Variants in CFAP206 observed in about 807,000 individuals in gnomAD.
CFAP206 encodes the protein cilia and flagella associated protein 206.
In CFAP206, 53 loss-of-function variants were observed where a neutral mutation model predicts 65.4. That is an observed-to-expected ratio of 0.81 (90% confidence interval 0.65 to 1.02). The LOEUF (loss-of-function observed/expected upper bound fraction) is 1.02. Ranked by LOEUF, CFAP206 falls within the 50% of genes least tolerant of loss-of-function variation. The probability of loss-of-function intolerance (pLI) is 0.00; values close to 1 mark genes in which losing one functional copy is unlikely to be tolerated. For missense variants in CFAP206, 663 were observed against 753.2 expected (o/e 0.88, Z 1.40); for synonymous variants, 250 against 254.4 (o/e 0.98, Z 0.17).
chr6:87,459,008 T>C (rs1485919685), intron 11 of CFAP206, among the ~76,000 whole-genome samples: 2 of 152,230 alleles, frequency 1.3e-5, no homozygotes, highest in Admixed American at 6.5e-5. Context: ...GTTCTCAAAT[T>C]TGTTCAAATT....
chr6:87,429,900 G>A (rs13196020), intron 9 of CFAP206, among the ~76,000 whole-genome samples: 5,748 of 152,038 alleles, frequency 0.038, 136 homozygotes, highest in Middle Eastern at 0.078. Flanking sequence ...GTTTTTTATT[G>A]CTCATTTCAT....
At chr6:87,436,703 C>T (rs891567439) in intron 11 of CFAP206, 1 of 152,264 alleles carries the variant, frequency 6.6e-6, no homozygotes. Context: ...TGTAGCACTC[C>T]AGCTCCCCTT....
At chr6:87,460,871 G>A in intron 11 of CFAP206, 151 bp from the exon 12 acceptor site, 1 of 592,572 alleles carries the variant, frequency 1.7e-6, no homozygotes. Context: ...TTAATTATGT[G>A]TTTATTTTCT....
At chr6:87,422,203 C>G (rs187688234) in intron 7 of CFAP206, among the ~76,000 whole-genome samples, 2 of 152,122 alleles carry the variant, frequency 1.3e-5, no homozygotes, top group African/African-American at 4.8e-5. Context: ...AATCCCAGCA[C>G]TTTGGGAGGC....
chr6:87,448,529 T>G (rs1768486448), intron 11 of CFAP206, among the ~76,000 whole-genome samples: 1 of 152,180 alleles, frequency 6.6e-6, no homozygotes. Flanking sequence ...TCCTCTCCTC[T>G]GGCTATTTTG....
At chr6:87,420,615 A>T (rs186072773) in intron 7 of CFAP206, among the ~76,000 whole-genome samples, 1 of 152,344 alleles carries the variant, frequency 6.6e-6, no homozygotes, top group East Asian at 1.9e-4. Context: ...CATGTAAATA[A>T]GGCGGCATAG....
chr6:87,412,893 C>T (rs138297700), intron 3 of CFAP206, among the ~76,000 whole-genome samples: 1,728 of 152,222 alleles, frequency 0.011, 21 homozygotes, highest in Non-Finnish European at 0.017. Context: ...CTCCTGACAT[C>T]GGGTGATCTG....
chr6:87,444,958 A>T lies in CFAP206; in HGVS notation c.1494+9905A>T, dbSNP rs1768419053. 23 of 528,228 alleles carry T rather than the reference A, an allele frequency of 4.4e-5. 2 individuals are homozygous for T. Among genetic ancestry groups the T allele is most frequent in the South Asian group, 3.2e-4 (23 of 72,322 alleles). The allele number at this position is 528,228 out of a possible 1,614,324, so 32.7% of individuals were successfully genotyped here. ...CAGGATTTATTTCAATGGCTCTGTT[A>T]CAATATCAGATGGCAGCATTTGGCT... On this transcript the variant is annotated intron_variant, in intron 11 of 12. Transcript: ENST00000369562.
chr6:87,415,210 G>A lies in CFAP206; in HGVS notation c.284-476G>A, dbSNP rs372080608. On this transcript the variant is annotated intron_variant, in intron 4 of 12. Coordinates refer to ENST00000369562, the MANE Select transcript of CFAP206 (RefSeq NM_001031743.3). ...ATCTAGAACTGAAATAAAAATACAC[G>A]TAACCGAAAGGAACATATATACTAC... Among the ~76,000 whole-genome samples the A allele has an allele frequency of 3.3e-5, 5 of 151,814 alleles. No individual in the cohort carries two copies. In the East Asian group the frequency reaches 9.7e-4, roughly 29 times the overall value.
chr6:87,416,709 A>G lies in CFAP206; in HGVS notation c.513A>G (p.Thr171=), dbSNP rs775464503. The part of the protein sequence containing the change: ...QSVFPQAELG[T]FLTLSKKDKE... ...TTTTTCCTCAGGCAGAGCTTGGGAC[A>G]TTTCTAACTCTTTCTAAGAAGGACA... Residue 171 remains threonine, a synonymous_variant, in exon 6 of 13, where the codon ACA becomes ACG. Transcript: ENST00000369562. 24 of 1,612,488 alleles carry G rather than the reference A, an allele frequency of 1.5e-5. No individual in the cohort carries two copies. In the South Asian group the frequency reaches 2.4e-4, roughly 16 times the overall value.
rs149201829 is a variant in CFAP206 at position 87,460,481 on chromosome 6, G to A, written c.1495-541G>A. ...TTGTGCAAAGTGGGGAGGGATATTT[G>A]ACTTGGGAATGAGGGATGTTTTCTC... is the stretch of plus-strand genomic sequence containing the variant. On this transcript the variant is annotated intron_variant, in intron 11 of 12. Transcript: ENST00000369562. 3.9e-5 allele frequency among the ~76,000 whole-genome samples: 6 copies of A among 152,232 alleles called. No homozygotes were observed. The East Asian group carries it at 1.2e-3, about 29-fold the overall frequency.
intron 11 of CFAP206, among the ~76,000 whole-genome samples, chr6:87,460,606 G>A (rs986374171): frequency 6.6e-6 from 1 of 152,096 alleles, no homozygotes; most frequent in Non-Finnish European, 1.5e-5. Context: ...GATGGGACCA[G>A]TAGACACTGG....
At chr6:87,408,472 A>C (rs1054240026) in intron 1 of CFAP206, 1 of 129,164 alleles carries the variant, frequency 7.7e-6, no homozygotes, top group African/African-American at 3.0e-5. Flanking sequence ...ACAGATCCGG[A>C]GCGCGCACAC....
intron 11 of CFAP206, among the ~76,000 whole-genome samples, chr6:87,439,076 G>A (rs1446387973): frequency 1.3e-5 from 2 of 152,084 alleles, no homozygotes; most frequent in Non-Finnish European, 2.9e-5. Context: ...AATTTTCCAT[G>A]TAAGTTTCTT....
At chr6:87,457,613 A>G (rs78669926) in intron 11 of CFAP206, among the ~76,000 whole-genome samples, 4,389 of 152,324 alleles carry the variant, frequency 0.029, 125 homozygotes, top group East Asian at 0.12. Flanking sequence ...CTGGATATCC[A>G]TGTGCAGAAG....
intron 7 of CFAP206, among the ~76,000 whole-genome samples, chr6:87,423,309 C>T (rs905924205): frequency 1.7e-4 from 25 of 150,386 alleles, no homozygotes; most frequent in Non-Finnish European, 2.2e-4. Context: ...GGTGCAGTGG[C>T]GTGATCTCCG....
rs186472773 is a variant in CFAP206 at position 87,428,886 on chromosome 6, C to T, written c.1159+62C>T. On this transcript the variant is annotated intron_variant, in intron 9 of 12. Coordinates refer to ENST00000369562, the MANE Select transcript of CFAP206 (RefSeq NM_001031743.3). The stretch of plus-strand genomic sequence containing the variant: ...AAATTACCTCTAGAATAAAGTCACT[C>T]TTTTGTTCTAAAAATTTCATATCTT... 710 of 1,430,836 alleles carry T rather than the reference C, an allele frequency of 5.0e-4. 4 individuals carry two copies. The Middle Eastern group carries it at 0.013, about 27-fold the overall frequency. The allele number at this position is 1,430,836 out of a possible 1,614,324, so 88.6% of individuals were successfully genotyped here.
intron 11 of CFAP206, among the ~76,000 whole-genome samples, chr6:87,438,014 A>G (rs189271425): frequency 8.6e-5 from 13 of 151,804 alleles, no homozygotes; most frequent in Middle Eastern, 3.4e-3. Flanking sequence ...GTCAATCTAT[A>G]TAACAGATAC....
At position 87,464,222 on chromosome 6, in the gene CFAP206, A is replaced by G; in HGVS notation, c.1841A>G (p.Asn614Ser). 1 of 1,613,832 alleles carries G rather than the reference A, an allele frequency of 6.2e-7. No individual in the cohort carries two copies. The highest frequency in any genetic ancestry group is 8.5e-7 in the Non-Finnish European group (1 of 1,179,864). ...KSEITDEVKV[N>S]LTRDVDET ...GAAATCACCGATGAGGTCAAGGTGAACTTAACTAGAGATGTGGATGAAACC... is the reference window on the plus strand; with the variant it reads ...GAAATCACCGATGAGGTCAAGGTGAGCTTAACTAGAGATGTGGATGAAACC... Residue 614 changes from asparagine (N) to serine (S), a missense_variant, in exon 13 of 13, where the codon AAC becomes AGC. Transcript: ENST00000369562.
Sources: gnomAD v4.1 joint callset for allele counts (sites outside exome capture counted in the v4.1 genomes callset) on GRCh38, gnomAD v4.1.1 for gene constraint, MANE v1.5 for transcripts, NCBI Gene and HGNC (gene_info 2026-07-23, HGNC 2026-07-21) for gene names.